The following MTCL2 variants were observed in gnomAD, a reference collection of about 807,000 sequenced individuals.
The protein encoded by MTCL2 is microtubule cross-linking factor 2.
At chr20:36,786,360 G>A in the MTCL2 span, 1 of 1,353,858 alleles carries the variant, frequency 7.4e-7, no homozygotes, top group South Asian at 1.9e-5. Flanking sequence ...TGGCATCACT[G>A]CTGTCCCTCC....
At chr20:36,825,462 G>A in the MTCL2 span, among the ~76,000 whole-genome samples, 22 of 152,194 alleles carry the variant, frequency 1.4e-4, no homozygotes, top group African/African-American at 7.2e-5. Flanking sequence ...AATAAATCAC[G>A]TCAACACTCG....
chr20:36,829,549 A>T, the MTCL2 span, among the ~76,000 whole-genome samples: 1 of 124,404 alleles, frequency 8.0e-6, no homozygotes, highest in Non-Finnish European at 1.6e-5. Context: ...ACAGGGTCTC[A>T]CTATGTCTCC....
chr20:36,807,450 G>A, the MTCL2 span, among the ~76,000 whole-genome samples: 29 of 152,174 alleles, frequency 1.9e-4, no homozygotes, highest in African/African-American at 6.5e-4. Context: ...AAAAGGACAC[G>A]GCCAAAGTGA....
the MTCL2 span, chr20:36,793,727 A>G: frequency 1.3e-6 from 2 of 1,544,252 alleles, no homozygotes; most frequent in Non-Finnish European, 1.7e-6. This position sits in a 1 kb window ranked among gnomAD's most constrained non-coding sequence, Gnocchi z 6.8. Context: ...GCTGCTGTCC[A>G]GCTTGGACAC....
At chr20:36,863,406 C>T in the MTCL2 span, 2 of 1,117,476 alleles carry the variant, frequency 1.8e-6, no homozygotes, top group Non-Finnish European at 2.2e-6. The surrounding 1 kb of genome is among the most constrained non-coding windows in gnomAD (Gnocchi z 6.2). Flanking sequence ...GCCTCGACGT[C>T]CCTGGGGAGG....
chr20:36,801,464 G>A, the MTCL2 span, among the ~76,000 whole-genome samples: 2 of 151,138 alleles, frequency 1.3e-5, no homozygotes, highest in African/African-American at 4.9e-5. Context: ...AAGGCCCAGC[G>A]ACTCGGGAGG....
the MTCL2 span, among the ~76,000 whole-genome samples, chr20:36,830,361 T>C: frequency 6.6e-6 from 1 of 152,066 alleles, no homozygotes; most frequent in African/African-American, 2.4e-5. Context: ...AGCCCAGGAA[T>C]TCGAGATGTG....
At chr20:36,832,173 G>C in the MTCL2 span, among the ~76,000 whole-genome samples, 2 of 152,224 alleles carry the variant, frequency 1.3e-5, no homozygotes, top group African/African-American at 4.8e-5. Flanking sequence ...GAATATACAT[G>C]GGGAGTGGTA....
the MTCL2 span, among the ~76,000 whole-genome samples, chr20:36,818,237 A>T: frequency 5.9e-5 from 9 of 152,334 alleles, no homozygotes; most frequent in South Asian, 8.3e-4. Context: ...TGAAACTGAC[A>T]TCTAGTGGGA....
chr20:36,843,343 C>T, the MTCL2 span, among the ~76,000 whole-genome samples: 1 of 152,172 alleles, frequency 6.6e-6, no homozygotes, highest in Non-Finnish European at 1.5e-5. Flanking sequence ...GAGCCCTGCC[C>T]TCCAGGCCAG....
the MTCL2 span, chr20:36,783,932 A>G: frequency 4.7e-5 from 46 of 985,380 alleles, no homozygotes; most frequent in Non-Finnish European, 5.2e-5. Flanking sequence ...AGGCTTCTGC[A>G]GGAACAGTGA....
the MTCL2 span, among the ~76,000 whole-genome samples, chr20:36,837,505 G>A: frequency 6.6e-6 from 1 of 151,764 alleles, no homozygotes; most frequent in Non-Finnish European, 1.5e-5. Flanking sequence ...TGGAAATAAT[G>A]ATAGCTAACA....
chr20:36,845,710 C>A, the MTCL2 span, among the ~76,000 whole-genome samples: 5 of 152,190 alleles, frequency 3.3e-5, no homozygotes, highest in Non-Finnish European at 7.3e-5. Context: ...AGAGGGCAGG[C>A]CTTTGTTCTG....
the MTCL2 span, among the ~76,000 whole-genome samples, chr20:36,851,780 AG>A: frequency 1.3e-5 from 2 of 152,180 alleles, no homozygotes; most frequent in African/African-American, 2.4e-5. Context: ...TGATGTCAGG[AG>A]GACAGAGCCC....
At chr20:36,841,407 T>C in the MTCL2 span, among the ~76,000 whole-genome samples, 1 of 151,514 alleles carries the variant, frequency 6.6e-6, no homozygotes, top group African/African-American at 2.4e-5. Context: ...ATGAGTTATA[T>C]GATAGGGTGA....
At chr20:36,805,820 C>T in the MTCL2 span, 2 of 1,536,524 alleles carry the variant, frequency 1.3e-6, no homozygotes, top group Non-Finnish European at 1.8e-6. Flanking sequence ...AATGAATGGA[C>T]ACAACAGGAC....
chr20:36,809,917 G>C, the MTCL2 span: 9 of 1,541,182 alleles, frequency 5.8e-6, no homozygotes, highest in Non-Finnish European at 7.9e-6. Context: ...GATCCTCAAG[G>C]CCTCTGCTTC....
chr20:36,827,365 T>TC, the MTCL2 span, among the ~76,000 whole-genome samples: 1 of 146,482 alleles, frequency 6.8e-6, no homozygotes, highest in Admixed American at 6.9e-5. Context: ...CCCTTTTTTT[T>TC]TTTTTTTTTT....
At chr20:36,777,852 G>A in the MTCL2 span, 2 of 626,378 alleles carry the variant, frequency 3.2e-6, no homozygotes, top group East Asian at 3.3e-5. Flanking sequence ...AGCTGCTGGG[G>A]GTTGGAGCTG....
Sources: allele counts gnomAD v4.1 joint callset (sites outside exome capture counted in the v4.1 genomes callset), GRCh38; gene constraint gnomAD v4.1.1; non-coding constraint Gnocchi (gnomAD v3.1); transcripts MANE v1.5; gene names NCBI Gene and HGNC (gene_info 2026-07-23, HGNC 2026-07-21).